The following WASF3 variants were observed in gnomAD, a reference collection of about 807,000 sequenced individuals.
The protein encoded by WASF3 is WASP family member 3, also known as actin-binding protein WASF3.
Under a neutral mutation model 46.6 loss-of-function variants are expected in WASF3, and 11 were observed. The observed-to-expected ratio is 0.24, with a 90% CI of 0.15 to 0.39. WASF3 has a LOEUF of 0.39. WASF3 is among the 10% of genes least tolerant of loss of function. WASF3 has a pLI of 1.00. For synonymous variants in WASF3, 242 were observed against 259.7 expected (o/e 0.93, Z 0.65); for missense variants, 576 against 669.8 (o/e 0.86, Z 1.55).
At chr13:26,677,386 G>C (rs1883098230) in intron 7 of WASF3, among the ~76,000 whole-genome samples, 1 of 152,188 alleles carries the variant, frequency 6.6e-6, no homozygotes, top group African/African-American at 2.4e-5. Context: ...GTTTGATTCA[G>C]TTTTCTATTT....
chr13:26,663,362 G>T (rs1288430178), intron 3 of WASF3, among the ~76,000 whole-genome samples: 4 of 152,208 alleles, frequency 2.6e-5, no homozygotes, highest in African/African-American at 9.7e-5. Context: ...ATTAATTCTG[G>T]ATGCTGCAGC....
chr13:26,548,640 C>T, the WASF3 span, among the ~76,000 whole-genome samples: 2 of 152,202 alleles, frequency 1.3e-5, no homozygotes, highest in Non-Finnish European at 2.9e-5. Context: ...TCAGTGGCTC[C>T]TTGTGGTCTA....
chr13:26,665,010 A>G lies in WASF3; in HGVS notation c.134-18A>G, dbSNP rs1882729694. On this transcript the variant is annotated intron_variant, in intron 3 of 9. Coordinates refer to ENST00000335327, the MANE Select transcript of WASF3 (RefSeq NM_006646.6). ...AGCTCCCTAACAGATGGCCTTCTCC[A>G]TTCATTTTATTCTACAGGCAAACAT... 1 of 1,613,688 alleles carries G rather than the reference A, an allele frequency of 6.2e-7. No individual in the cohort carries two copies. Among genetic ancestry groups the G allele is most frequent in the Non-Finnish European group, 8.5e-7 (1 of 1,179,712 alleles).
At chr13:26,568,065 G>A (rs1593370048) in intron 1 of WASF3, among the ~76,000 whole-genome samples, 2 of 152,218 alleles carry the variant, frequency 1.3e-5, no homozygotes, top group African/African-American at 2.4e-5. Flanking sequence ...AGGGGGTTGG[G>A]TAGGGGGATG....
intron 2 of WASF3, among the ~76,000 whole-genome samples, chr13:26,622,468 C>G (rs1163774453): frequency 1.3e-5 from 2 of 152,142 alleles, no homozygotes; most frequent in African/African-American, 2.4e-5. Context: ...TTTATTTGCC[C>G]CATTACAGTG....
chr13:26,618,878 C>A (rs1881221256), intron 2 of WASF3: 1 of 152,192 alleles, frequency 6.6e-6, no homozygotes, highest in Non-Finnish European at 1.5e-5. Flanking sequence ...AAGATCTTTT[C>A]ATTGTGGTTC....
rs564469125 is a variant in WASF3, at chr13:26,576,366, G to A, written c.-109+18547G>A. ...CTTTTCTATTTTTACTCTTCTTTGG[G>A]GTCTTGAACTGTAAGAGGTCCTGGA... On this transcript the variant is annotated intron_variant, in intron 1 of 9. Transcript: ENST00000335327. Among the ~76,000 whole-genome samples the A allele has an allele frequency of 1.5e-4, 22 of 151,648 alleles. 1 individual carries two copies. In the East Asian group the frequency reaches 4.3e-3, roughly 29 times the overall value.
intron 3 of WASF3, among the ~76,000 whole-genome samples, chr13:26,645,024 G>A (rs1882108582): frequency 6.6e-6 from 1 of 152,192 alleles, no homozygotes; most frequent in South Asian, 2.1e-4. Flanking sequence ...TACAGAAAGA[G>A]AAGCACAGTG....
chr13:26,565,900 C>A (rs1879450097), intron 1 of WASF3, among the ~76,000 whole-genome samples: 1 of 152,152 alleles, frequency 6.6e-6, no homozygotes, highest in South Asian at 2.1e-4. Context: ...AAAACTTCTT[C>A]CATTTCTGAC....
At chr13:26,660,396 ATGG>A (rs984780554) in intron 3 of WASF3, among the ~76,000 whole-genome samples, 21 of 152,058 alleles carry the variant, frequency 1.4e-4, no homozygotes, top group Non-Finnish European at 2.6e-4. Flanking sequence ...CCTGGGCATC[ATGG>A]TCAGCACTGG....
At chr13:26,666,191 A>ATTT (rs1231007177) in intron 4 of WASF3, among the ~76,000 whole-genome samples, 1 of 151,950 alleles carries the variant, frequency 6.6e-6, no homozygotes, top group Admixed American at 6.5e-5. Flanking sequence ...CTTTTCCAAC[A>ATTT]ATAAGTATTA....
intron 3 of WASF3, among the ~76,000 whole-genome samples, chr13:26,651,067 A>G (rs1028366723): frequency 1.3e-5 from 2 of 152,198 alleles, no homozygotes; most frequent in Admixed American, 1.3e-4. Context: ...ACCACGTCAT[A>G]ATAAAATTGC....
intron 1 of WASF3, chr13:26,577,722 G>GA (rs565519419): frequency 0.015 from 8,399 of 545,262 alleles, 9 homozygotes; most frequent in African/African-American, 0.027. Context: ...CCTATTTGTG[G>GA]AAAAAAAAAA....
Position 26,685,928 on chromosome 13 carries a change from C to T in WASF3, c.*83C>T. 1 of 1,523,944 alleles carries T rather than the reference C, an allele frequency of 6.6e-7. No individual in the cohort carries two copies. The highest frequency in any genetic ancestry group is 8.9e-7 in the Non-Finnish European group (1 of 1,125,838). The allele number at this position is 1,523,944 out of a possible 1,614,324, so 94.4% of individuals were successfully genotyped here. ...TACACCCAAATAGTGGTATTCTAATCCCGTAGCATAGCACCTTTTGTATAA... is the reference window on the plus strand; with the variant it reads ...TACACCCAAATAGTGGTATTCTAATTCCGTAGCATAGCACCTTTTGTATAA... On this transcript the variant is annotated 3_prime_UTR_variant, in exon 10 of 10. Transcript: ENST00000335327.
chr13:26,670,564 C>T (rs545827137), intron 5 of WASF3, among the ~76,000 whole-genome samples: 1 of 152,276 alleles, frequency 6.6e-6, no homozygotes, highest in South Asian at 2.1e-4. Context: ...GAGTTCCCGC[C>T]TTCATGAAGG....
chr13:26,610,136 CA>C (rs1880925315), intron 1 of WASF3, among the ~76,000 whole-genome samples: 3 of 152,166 alleles, frequency 2.0e-5, no homozygotes, highest in Non-Finnish European at 4.4e-5. Context: ...CCAGGGGAGT[CA>C]GCATCCCCAT....
At chr13:26,668,990 T>G (rs1882850137) in intron 5 of WASF3, among the ~76,000 whole-genome samples, 1 of 152,128 alleles carries the variant, frequency 6.6e-6, no homozygotes, top group Non-Finnish European at 1.5e-5. Context: ...CATGAAAACT[T>G]TCTACCTGCC....
intron 2 of WASF3, chr13:26,638,742 T>A (rs1210374086): frequency 6.6e-6 from 1 of 152,200 alleles, no homozygotes; most frequent in African/African-American, 2.4e-5. Context: ...TTTGTTAGAG[T>A]ACGCTATGGT....
chr13:26,547,606 T>C, the WASF3 span, among the ~76,000 whole-genome samples: 1 of 152,206 alleles, frequency 6.6e-6, no homozygotes, highest in Non-Finnish European at 1.5e-5. Context: ...AATGTTCTCC[T>C]TGAGAAGACT....
Sources: gnomAD v4.1 joint callset for allele counts (sites outside exome capture counted in the v4.1 genomes callset) on GRCh38, gnomAD v4.1.1 for gene constraint, MANE v1.5 for transcripts, NCBI Gene and HGNC (gene_info 2026-07-23, HGNC 2026-07-21) for gene names.